The following RAD51B variants were observed in gnomAD, a reference collection of about 807,000 sequenced individuals.
RAD51B encodes DNA repair protein RAD51 homolog 2.
A neutral mutation model predicts 42.2 loss-of-function variants in RAD51B; 38 were observed. That is an observed-to-expected ratio of 0.90 (90% CI 0.70 to 1.18). RAD51B has a LOEUF of 1.18. RAD51B is among the 50% of genes most tolerant of loss of function. RAD51B has a pLI of 0.00. For missense variants in RAD51B, 373 were observed against 400.7 expected, an observed-to-expected ratio of 0.93 and a Z score of 0.59; for synonymous variants, 154 against 145.2, an observed-to-expected ratio of 1.06 and a Z score of -0.43.
At chr14:68,505,796 G>A (rs989945974) in intron 10 of RAD51B, among the ~76,000 whole-genome samples, 14 of 152,074 alleles carry the variant, frequency 9.2e-5, no homozygotes, top group African/African-American at 2.4e-4. Context: ...CAGGAAATCC[G>A]CCCGCCTCGG....
intron 7 of RAD51B, among the ~76,000 whole-genome samples, chr14:68,289,571 G>A (rs914647340): frequency 6.6e-6 from 1 of 152,044 alleles, no homozygotes; most frequent in South Asian, 2.1e-4. Context: ...AAAATTAGCC[G>A]GGCATGGTGG....
At chr14:68,152,064 G>A (rs1458549023) in intron 7 of RAD51B, among the ~76,000 whole-genome samples, 4 of 151,750 alleles carry the variant, frequency 2.6e-5, no homozygotes, top group Admixed American at 1.3e-4. Context: ...GGCTGGTTTC[G>A]AACTCCAGAC....
chr14:68,035,017 G>T (rs756541434), intron 7 of RAD51B, among the ~76,000 whole-genome samples: 7 of 152,154 alleles, frequency 4.6e-5, no homozygotes, highest in Admixed American at 6.5e-5. Flanking sequence ...ACTGTGGAAG[G>T]ATCTTCCTGG....
chr14:68,280,425 C>T (rs1242623404), intron 7 of RAD51B, among the ~76,000 whole-genome samples: 1 of 152,148 alleles, frequency 6.6e-6, no homozygotes, highest in East Asian at 1.9e-4. Flanking sequence ...ACCAGGTCTG[C>T]GTCTGGTGCT....
At chr14:68,603,172 C>A (rs1460334314) in intron 10 of RAD51B, among the ~76,000 whole-genome samples, 2 of 152,250 alleles carry the variant, frequency 1.3e-5, no homozygotes, top group Non-Finnish European at 2.9e-5. Flanking sequence ...CAATGGAGTG[C>A]CTTATATGGA....
At chr14:68,083,624 G>T (rs2076944970) in intron 7 of RAD51B, among the ~76,000 whole-genome samples, 1 of 152,204 alleles carries the variant, frequency 6.6e-6, no homozygotes, top group South Asian at 2.1e-4. Flanking sequence ...CATTAGAACT[G>T]ATATATATTA....
intron 7 of RAD51B, among the ~76,000 whole-genome samples, chr14:68,256,702 A>G (rs2080760405): frequency 6.6e-6 from 1 of 152,120 alleles, no homozygotes; most frequent in Non-Finnish European, 1.5e-5. Context: ...CCCAGGTTAA[A>G]TCCCACCTCC....
At chr14:68,259,631 C>T (rs1237511222) in intron 7 of RAD51B, among the ~76,000 whole-genome samples, 1 of 152,004 alleles carries the variant, frequency 6.6e-6, no homozygotes, top group African/African-American at 2.4e-5. Flanking sequence ...TAATCTGCCA[C>T]ATGTGGTTAT....
intron 7 of RAD51B, among the ~76,000 whole-genome samples, chr14:68,271,465 A>G (rs560477546): frequency 6.6e-6 from 1 of 152,318 alleles, no homozygotes; most frequent in South Asian, 2.1e-4. Flanking sequence ...TTTCTCATCT[A>G]TAAAATGAAT....
At chr14:68,183,831 C>A (rs12894297) in intron 7 of RAD51B, among the ~76,000 whole-genome samples, 121,092 of 151,942 alleles carry the variant, frequency 0.8, 48,718 homozygotes, top group East Asian at 0.98. Flanking sequence ...TAGTGGCTCA[C>A]GCCTGTAATC....
At chr14:68,429,020 T>A (rs2084931459) in intron 9 of RAD51B, among the ~76,000 whole-genome samples, 1 of 151,684 alleles carries the variant, frequency 6.6e-6, no homozygotes, top group Non-Finnish European at 1.5e-5. Flanking sequence ...TTTTTTGTCC[T>A]TGCGATAGTT....
At chr14:68,149,539 A>G (rs2078329358) in intron 7 of RAD51B, 1 of 152,116 alleles carries the variant, frequency 6.6e-6, no homozygotes, top group Non-Finnish European at 1.5e-5. Context: ...TGTTCTATTT[A>G]TCTAGTTATC....
chr14:68,106,229 G>C (rs1442896121), intron 7 of RAD51B, among the ~76,000 whole-genome samples: 2 of 151,788 alleles, frequency 1.3e-5, no homozygotes, highest in Non-Finnish European at 2.9e-5. Context: ...GATGTTTCTA[G>C]CTTGACATAT....
At chr14:68,413,727 ACCATAGAAG>A (rs2084477544) in intron 9 of RAD51B, among the ~76,000 whole-genome samples, 1 of 152,082 alleles carries the variant, frequency 6.6e-6, no homozygotes, top group Non-Finnish European at 1.5e-5. Flanking sequence ...TTTATGAAAA[ACCATAGAAG>A]CCATACGAAG....
intron 7 of RAD51B, among the ~76,000 whole-genome samples, chr14:68,259,277 A>G (rs868088908): frequency 4.0e-5 from 6 of 148,178 alleles, no homozygotes; most frequent in African/African-American, 1.2e-4. Flanking sequence ...CAGGAAGGGG[A>G]ACATCACACA....
At chr14:67,874,526 G>A (rs949620756) in intron 5 of RAD51B, among the ~76,000 whole-genome samples, 5 of 151,890 alleles carry the variant, frequency 3.3e-5, no homozygotes, top group Non-Finnish European at 7.4e-5. Flanking sequence ...TATCAAAGTT[G>A]GACACCCTTG....
At chr14:68,455,948 G>C (rs978773394) in intron 9 of RAD51B, among the ~76,000 whole-genome samples, 7 of 152,138 alleles carry the variant, frequency 4.6e-5, no homozygotes, top group African/African-American at 1.7e-4. Context: ...AGAGAATAGA[G>C]CTATATTGAT....
At chr14:68,198,537 CTTT>C (rs1385635549) in intron 7 of RAD51B, among the ~76,000 whole-genome samples, 1 of 152,092 alleles carries the variant, frequency 6.6e-6, no homozygotes, top group Non-Finnish European at 1.5e-5. Flanking sequence ...GAATTGACAT[CTTT>C]AATAATATGG....
At chr14:68,089,115 A>G (rs963394663) in intron 7 of RAD51B, among the ~76,000 whole-genome samples, 7 of 151,662 alleles carry the variant, frequency 4.6e-5, no homozygotes, top group Non-Finnish European at 8.8e-5. Flanking sequence ...TCCTCTCCCC[A>G]CTCTCATTAG....
Sources: allele counts gnomAD v4.1 joint callset (sites outside exome capture counted in the v4.1 genomes callset), GRCh38; gene constraint gnomAD v4.1.1; transcripts MANE v1.5; gene names NCBI Gene and HGNC (gene_info 2026-07-23, HGNC 2026-07-21).